Variants in SLC37A3 observed in about 807,000 individuals in gnomAD.
SLC37A3 encodes the protein solute carrier family 37 member 3, also known as sugar phosphate exchanger 3.
SLC37A3 carries 51 observed loss-of-function variants against 67.1 expected under a neutral mutation model. The ratio of observed to expected loss-of-function variants is 0.76; its 90% CI spans 0.61 to 0.96. The LOEUF is 0.96. Ranked by LOEUF, SLC37A3 falls within the 40% of genes least tolerant of loss-of-function variation. The pLI is 0.00. For missense variants in SLC37A3, 508 were observed against 603.0 expected, an observed-to-expected ratio of 0.84 and a Z score of 1.65; for synonymous variants, 214 against 231.4, an observed-to-expected ratio of 0.92 and a Z score of 0.68.
intron 4 of SLC37A3, among the ~76,000 whole-genome samples, chr7:140,368,708 A>G (rs1323513661): frequency 6.6e-6 from 1 of 152,224 alleles, no homozygotes; most frequent in African/African-American, 2.4e-5. Context: ...AGCAGAGGTC[A>G]AATGTAATGC....
chr7:140,346,256 T>C (rs1247404839), intron 10 of SLC37A3, among the ~76,000 whole-genome samples: 1 of 152,140 alleles, frequency 6.6e-6, no homozygotes, highest in Non-Finnish European at 1.5e-5. Context: ...GGCGGGCACC[T>C]GTAGTCCCAG....
rs973590021 is a variant in SLC37A3, at chr7:140,397,936, T to C, written c.-71+480A>G. 4.6e-5 allele frequency among the ~76,000 whole-genome samples: 7 copies of C among 152,222 alleles called. 1 individual carries two copies. The Middle Eastern group carries it at 9.5e-3, about 206-fold the overall frequency. The stretch of plus-strand genomic sequence containing the variant: ...TGACCAAATTCCTTGACTGAGTTCA[T>C]GCTAGTTACCAGAAAACAAAACCAG... On this transcript the variant is annotated intron_variant, in intron 1 of 14. Transcript: ENST00000326232.
intron 13 of SLC37A3, 68 bp downstream of exon 13, chr7:140,343,344 G>C: frequency 6.2e-7 from 1 of 1,605,070 alleles, no homozygotes; most frequent in Non-Finnish European, 8.5e-7. Flanking sequence ...AGGCCCAGAG[G>C]GCAGGTTCAC....
intron 12 of SLC37A3, 94 bp downstream of exon 12, chr7:140,345,122 C>A: frequency 2.8e-6 from 3 of 1,089,060 alleles, no homozygotes; most frequent in Non-Finnish European, 1.4e-6. Flanking sequence ...ATTAAGGTTT[C>A]GGTACTACTC....
At chr7:140,366,990 T>C (rs1453086262) in intron 4 of SLC37A3, among the ~76,000 whole-genome samples, 1 of 148,626 alleles carries the variant, frequency 6.7e-6, no homozygotes, top group Non-Finnish European at 1.5e-5. Flanking sequence ...CAAAAAAAAT[T>C]AGCAGGGCAT....
In SLC37A3 at chr7:140,335,333, A is replaced by C. The variant is rs559964305; in HGVS notation, c.*79T>G. The C allele has an allele frequency of 9.3e-6, 15 of 1,614,154 alleles. No homozygotes were observed. The Admixed American group carries it at 1.3e-4, about 14-fold the overall frequency. ...CAAGATCAGGCTGGAGCTCCTAGAC[A>C]AACCCAAATTAGGGCAGACTCGAAG... On this transcript the variant is annotated 3_prime_UTR_variant, in exon 15 of 15. Transcript: ENST00000326232.
At chr7:140,394,685 T>C (rs1157893635) in intron 1 of SLC37A3, among the ~76,000 whole-genome samples, 5 of 150,382 alleles carry the variant, frequency 3.3e-5, no homozygotes, top group Admixed American at 3.3e-4. Context: ...CTTGGCTTAC[T>C]GCAACCTCCG....
intron 5 of SLC37A3, among the ~76,000 whole-genome samples, chr7:140,363,386 G>A (rs1797447891): frequency 1.2e-5 from 1 of 83,140 alleles, no homozygotes; most frequent in Non-Finnish European, 2.5e-5. Flanking sequence ...GTTGATCTGT[G>A]ACCTTATCCC....
At chr7:140,361,931 C>G (rs1797322958) in intron 5 of SLC37A3, among the ~76,000 whole-genome samples, 1 of 145,938 alleles carries the variant, frequency 6.9e-6, no homozygotes, top group Non-Finnish European at 1.5e-5. Context: ...CTGCCTTGGC[C>G]CCCCAAAGTG....
At chr7:140,398,045 C>T (rs764918401) in intron 1 of SLC37A3, among the ~76,000 whole-genome samples, 1 of 152,208 alleles carries the variant, frequency 6.6e-6, no homozygotes, top group Non-Finnish European at 1.5e-5. Flanking sequence ...GAAAAGCATC[C>T]CCTCTCCCCT....
At chr7:140,338,479 CT>C (rs992748382) in intron 13 of SLC37A3, among the ~76,000 whole-genome samples, 3 of 150,042 alleles carry the variant, frequency 2.0e-5, no homozygotes, top group Admixed American at 6.6e-5. Flanking sequence ...AACTTCACTC[CT>C]TTTTTTTTGG....
chr7:140,367,607 G>A (rs887927764), intron 4 of SLC37A3, among the ~76,000 whole-genome samples: 1 of 152,108 alleles, frequency 6.6e-6, no homozygotes, highest in East Asian at 1.9e-4. Flanking sequence ...CATACTTAAA[G>A]ACAGCATCTT....
At chr7:140,371,133 G>A (rs901478815) in intron 3 of SLC37A3, among the ~76,000 whole-genome samples, 2 of 152,164 alleles carry the variant, frequency 1.3e-5, no homozygotes, top group Non-Finnish European at 2.9e-5. Flanking sequence ...CAGCACCTCA[G>A]TGGCCAGTCT....
chr7:140,358,795 G>A lies in SLC37A3; in HGVS notation c.376-10C>T, dbSNP rs771628076. On this transcript the variant is annotated splice_polypyrimidine_tract_variant and intron_variant, in intron 5 of 14. Transcript: ENST00000326232. ...CACCAAAGACAAACACCTTGAAGAG[G>A]AGGAAACAAAAGGAATATGTAACAG... is the stretch of plus-strand genomic sequence containing the variant. 2.5e-6 allele frequency: 4 copies of A among 1,613,322 alleles called. No homozygotes were observed. The highest frequency in any genetic ancestry group is 1.3e-5 in the African/African-American group (1 of 74,888).
chr7:140,395,057 G>A (rs73476803), intron 1 of SLC37A3, among the ~76,000 whole-genome samples: 4,854 of 152,136 alleles, frequency 0.032, 275 homozygotes, highest in African/African-American at 0.11. Flanking sequence ...ACAATAGTTA[G>A]AACTATCACA....
intron 10 of SLC37A3, chr7:140,348,401 C>T (rs1241939623): frequency 2.2e-5 from 9 of 417,296 alleles, no homozygotes; most frequent in Non-Finnish European, 3.3e-5. Context: ...TAAATCACAG[C>T]GCTGCCTTAG....
At chr7:140,382,407 A>C in intron 2 of SLC37A3, 31 bp downstream of exon 2, 1 of 1,595,180 alleles carries the variant, frequency 6.3e-7, no homozygotes, top group East Asian at 2.2e-5. Context: ...AAAGAAAAAA[A>C]GCAGGAGAGC....
At chr7:140,355,625 C>CAG (rs545979829) in intron 7 of SLC37A3, 43 bp downstream of exon 7, 4,993 of 1,409,414 alleles carry the variant, frequency 3.5e-3, no homozygotes, top group Non-Finnish European at 4.2e-3. Context: ...CATGTGCACA[C>CAG]AGAGAGAGAG....
intron 2 of SLC37A3, 96 bp downstream of exon 2, chr7:140,382,342 T>C (rs1798290377): frequency 3.1e-6 from 3 of 966,332 alleles, no homozygotes; most frequent in African/African-American, 1.6e-5. Flanking sequence ...ACATTATAAG[T>C]GTATGCCCAT....
Sources: allele counts gnomAD v4.1 joint callset (sites outside exome capture counted in the v4.1 genomes callset), GRCh38; gene constraint gnomAD v4.1.1; transcripts MANE v1.5; gene names NCBI Gene and HGNC (gene_info 2026-07-23, HGNC 2026-07-21).